Variants in COL14A1 observed in about 807,000 individuals in gnomAD.
The protein encoded by COL14A1 is collagen alpha-1(XIV) chain.
COL14A1 carries 136 observed loss-of-function variants against 230.3 expected under a neutral mutation model. That is an observed-to-expected ratio of 0.59 (90% CI 0.51 to 0.68). The LOEUF is 0.68. Ranked by LOEUF, COL14A1 falls within the 30% of genes least tolerant of loss-of-function variation. The pLI is 0.00. For missense variants in COL14A1, 1,976 were observed against 2,215.8 expected (o/e 0.89, Z 2.17); for synonymous variants, 792 against 784.1 (o/e 1.01, Z -0.17).
At chr8:120,197,752 C>A in intron 6 of COL14A1, 59 bp from the exon 7 acceptor site, 1 of 1,558,008 alleles carries the variant, frequency 6.4e-7, no homozygotes, top group Non-Finnish European at 8.7e-7. Flanking sequence ...TCTTGAGTAG[C>A]CCACTAGATT....
chr8:120,238,507 C>T (rs532959512), intron 19 of COL14A1, among the ~76,000 whole-genome samples: 9 of 152,310 alleles, frequency 5.9e-5, no homozygotes, highest in East Asian at 3.9e-4. Context: ...GTGCTGGCAG[C>T]GAGAATTTCA....
chr8:120,338,772 G>T (rs867130123), intron 42 of COL14A1, among the ~76,000 whole-genome samples: 7 of 152,118 alleles, frequency 4.6e-5, no homozygotes, highest in Middle Eastern at 3.2e-3. Context: ...TTAAAATATG[G>T]AATATTTATT....
intron 38 of COL14A1, among the ~76,000 whole-genome samples, chr8:120,314,481 T>C (rs1397579456): frequency 6.6e-6 from 1 of 152,228 alleles, no homozygotes; most frequent in African/African-American, 2.4e-5. Context: ...AGTGAGAGTT[T>C]AGATTTTTAG....
At chr8:120,254,804 G>A (rs1022161937) in intron 22 of COL14A1, among the ~76,000 whole-genome samples, 1 of 137,332 alleles carries the variant, frequency 7.3e-6, no homozygotes, top group Non-Finnish European at 1.5e-5. Context: ...GAGCAACATG[G>A]CGAAACACTG....
chr8:120,172,298 C>A (rs767171371), intron 5 of COL14A1, among the ~76,000 whole-genome samples: 3 of 151,838 alleles, frequency 2.0e-5, no homozygotes, highest in Non-Finnish European at 2.9e-5. Flanking sequence ...TTATAGGTAC[C>A]CACCATCATG....
intron 12 of COL14A1, among the ~76,000 whole-genome samples, chr8:120,210,678 C>T (rs1046373112): frequency 2.0e-5 from 3 of 152,266 alleles, no homozygotes; most frequent in African/African-American, 7.2e-5. Flanking sequence ...GAGGATGAAT[C>T]TCTGGCACTT....
intron 45 of COL14A1, among the ~76,000 whole-genome samples, 157 bp downstream of exon 45, chr8:120,345,720 G>T (rs1822486616): frequency 6.6e-6 from 1 of 152,174 alleles, no homozygotes; most frequent in South Asian, 2.1e-4. Flanking sequence ...TTATCTCTGA[G>T]ATTGAGAAAA....
chr8:120,317,966 C>T (rs1171939109), intron 40 of COL14A1, among the ~76,000 whole-genome samples: 1 of 152,120 alleles, frequency 6.6e-6, no homozygotes, highest in Non-Finnish European at 1.5e-5. Flanking sequence ...AACTAGATTT[C>T]TGAGGATACT....
Position 120,332,667 on chromosome 8 carries a change from A to G in COL14A1, c.4717A>G (p.Ile1573Val). The change falls in exon 42 of 48, where the codon ATT becomes GTT. Residue 1573 changes from isoleucine (I) to valine (V), a missense_variant. By Grantham distance (29) the Ile-to-Val change is conservative. Around this residue, in one of 3 missense-constraint regions of COL14A1, gnomAD observed 1,791 missense variants for 2,019.5 expected, o/e 0.89. Coordinates refer to ENST00000297848, the MANE Select transcript of COL14A1 (RefSeq NM_021110.4). The part of the protein sequence containing the change: ...GPPGPPGPIG[I>V]PGTPGVPGIT... The stretch of plus-strand genomic sequence containing the variant: ...CATTTTCCTACCTCTCTTCTAGGGC[A>G]TTCCTGGCACCCCTGGAGTCCCAGG... 6.2e-7 allele frequency: 1 copy of G among 1,612,834 alleles called. No homozygotes were observed. Among genetic ancestry groups the G allele is most frequent in the South Asian group, 1.1e-5 (1 of 90,862 alleles).
intron 45 of COL14A1, among the ~76,000 whole-genome samples, chr8:120,365,024 TTG>T (rs1012007525): frequency 1.3e-5 from 2 of 152,196 alleles, no homozygotes; most frequent in African/African-American, 4.8e-5. Context: ...TTAATATTTT[TTG>T]TGAGGCTAGT....
intron 33 of COL14A1, among the ~76,000 whole-genome samples, chr8:120,287,158 T>C (rs941631533): frequency 1.3e-5 from 2 of 152,168 alleles, no homozygotes; most frequent in African/African-American, 4.8e-5. Context: ...ACTTTGCTAC[T>C]TTCTGTGGTT....
At chr8:120,222,509 C>T (rs1232882197) in intron 14 of COL14A1, among the ~76,000 whole-genome samples, 1 of 152,074 alleles carries the variant, frequency 6.6e-6, no homozygotes, top group Non-Finnish European at 1.5e-5. Context: ...ATGTGTGACC[C>T]CTCAACTGGA....
chr8:120,249,359 A>G (rs1272136185), intron 21 of COL14A1, among the ~76,000 whole-genome samples: 1 of 152,076 alleles, frequency 6.6e-6, no homozygotes, highest in Non-Finnish European at 1.5e-5. Flanking sequence ...CCAGACAAAC[A>G]TCCTTATAAC....
At chr8:120,174,507 G>A (rs976884528) in intron 5 of COL14A1, among the ~76,000 whole-genome samples, 9 of 152,148 alleles carry the variant, frequency 5.9e-5, no homozygotes, top group African/African-American at 2.2e-4. Context: ...ATTGGCAAAT[G>A]TTCTAATAAA....
chr8:120,342,262 C>T (rs1822324843), intron 43 of COL14A1, 118 bp from the exon 44 acceptor site: 3 of 977,298 alleles, frequency 3.1e-6, no homozygotes, highest in Non-Finnish European at 4.8e-6. Flanking sequence ...CCACCTGTTG[C>T]TAGGGGCCAA....
chr8:120,188,564 C>A (rs1254361356), intron 5 of COL14A1, among the ~76,000 whole-genome samples: 3 of 152,124 alleles, frequency 2.0e-5, no homozygotes, highest in African/African-American at 7.2e-5. Flanking sequence ...TTATTATTAT[C>A]TTTGTAATCA....
chr8:120,139,867 A>C (rs1814841507), intron 1 of COL14A1, among the ~76,000 whole-genome samples: 1 of 152,030 alleles, frequency 6.6e-6, no homozygotes, highest in African/African-American at 2.4e-5. Flanking sequence ...TTATAAAAAA[A>C]AATAAAAAAA....
intron 45 of COL14A1, among the ~76,000 whole-genome samples, chr8:120,366,177 G>A (rs1412031509): frequency 6.6e-6 from 1 of 152,184 alleles, no homozygotes; most frequent in Non-Finnish European, 1.5e-5. Context: ...CTAATTTGTT[G>A]ACAGTGAATA....
At chr8:120,249,062 G>C (rs1490478962) in intron 21 of COL14A1, among the ~76,000 whole-genome samples, 1 of 149,000 alleles carries the variant, frequency 6.7e-6, no homozygotes, top group Non-Finnish European at 1.5e-5. Flanking sequence ...GAGTAGCTGG[G>C]ACTACAGGCG....
Sources: gnomAD v4.1 joint callset for allele counts (sites outside exome capture counted in the v4.1 genomes callset) on GRCh38, gnomAD v4.1.1 for gene constraint, gnomAD v4.1.1 regional missense constraint, MANE v1.5 for transcripts, NCBI Gene and HGNC (gene_info 2026-07-23, HGNC 2026-07-21) for gene names.